SLC25A42: variants seen among roughly 807,000 people sequenced by gnomAD.
SLC25A42 encodes the protein mitochondrial coenzyme A transporter SLC25A42.
SLC25A42 carries 19 observed loss-of-function variants against 34.7 expected under a neutral mutation model. That is an observed-to-expected ratio of 0.55 (90% CI 0.38 to 0.80). The LOEUF (loss-of-function observed/expected upper bound fraction) is 0.80, where lower values mean the gene tolerates loss of function less well. Among genes scored for constraint, SLC25A42 ranks in the 30% least tolerant of loss-of-function variants. SLC25A42 has a pLI of 0.00. For missense variants in SLC25A42, 364 were observed against 441.3 expected, an observed-to-expected ratio of 0.82 and a Z score of 1.57; for synonymous variants, 205 against 191.2, an observed-to-expected ratio of 1.07 and a Z score of -0.59.
intron 1 of SLC25A42, among the ~76,000 whole-genome samples, chr19:19,080,010 G>A (rs1291362116): frequency 6.6e-6 from 1 of 152,184 alleles, no homozygotes; most frequent in Middle Eastern, 3.2e-3. Flanking sequence ...AACATTCCCA[G>A]CATACAAGGA....
At chr19:19,094,239 C>G (rs1295018553) in intron 1 of SLC25A42, among the ~76,000 whole-genome samples, 1 of 152,212 alleles carries the variant, frequency 6.6e-6, no homozygotes, top group African/African-American at 2.4e-5. Context: ...GTCCGAGCTG[C>G]TGTGCTATTT....
chr19:19,107,885 T>C lies in SLC25A42; in HGVS notation c.498-9T>C, dbSNP rs1264737091. On this transcript the variant is annotated splice_polypyrimidine_tract_variant and intron_variant, in intron 6 of 7. Transcript: ENST00000318596. Reference sequence around the variant, plus strand: ...GAGTCCCACCTGCTGGGCTGCTCTGTCCTGGCAGGTACAGCAACATCTTTC... The same window carrying C: ...GAGTCCCACCTGCTGGGCTGCTCTGCCCTGGCAGGTACAGCAACATCTTTC... The C allele has an allele frequency of 6.2e-7, 1 of 1,613,832 alleles. No homozygotes were observed.
chr19:19,084,856 G>A (rs1490238997), intron 1 of SLC25A42, among the ~76,000 whole-genome samples: 1 of 151,816 alleles, frequency 6.6e-6, no homozygotes, highest in East Asian at 1.9e-4. Flanking sequence ...TACTGGGGAG[G>A]TGAGGTAAGG....
chr19:19,076,007 A>C (rs1473871434), intron 1 of SLC25A42, among the ~76,000 whole-genome samples: 1 of 152,162 alleles, frequency 6.6e-6, no homozygotes, highest in Non-Finnish European at 1.5e-5. Flanking sequence ...GTCACCCTGG[A>C]GTCAAGGGGA....
intron 1 of SLC25A42, among the ~76,000 whole-genome samples, chr19:19,077,321 G>C (rs75335481): frequency 3.3e-5 from 5 of 152,112 alleles, no homozygotes; most frequent in Non-Finnish European, 7.3e-5. Context: ...CAACTCTTCC[G>C]TCTTGCAAAA....
intron 2 of SLC25A42, among the ~76,000 whole-genome samples, chr19:19,099,581 G>A (rs552927590): frequency 1.3e-5 from 2 of 152,158 alleles, no homozygotes; most frequent in South Asian, 2.1e-4. Flanking sequence ...ACACTGAGCT[G>A]AGCAAACTCC....
rs771547257 is a variant in SLC25A42, at chr19:19,081,624, C to T, written c.-34-14467C>T. ...GGAACTGGGGCTTCCTCCCCGAACCCATCCAAGCCTCCCTGTCCCAGGAAA... is the reference window on the plus strand; with the variant it reads ...GGAACTGGGGCTTCCTCCCCGAACCTATCCAAGCCTCCCTGTCCCAGGAAA... On this transcript the variant is annotated intron_variant, in intron 1 of 7. Coordinates refer to ENST00000318596, the MANE Select transcript of SLC25A42 (RefSeq NM_178526.5). The surrounding 1 kb of genome is among the most constrained non-coding windows in gnomAD (Gnocchi z 4.5). 6.6e-6 allele frequency among the ~76,000 whole-genome samples: 1 copy of T among 152,136 alleles called. No homozygotes were observed. The highest frequency in any genetic ancestry group is 1.5e-5 in the Non-Finnish European group (1 of 68,024).
In SLC25A42 at chr19:19,067,801, G is replaced by A. The variant is rs531444539; in HGVS notation, c.-35+3686G>A. ...TTGAGACGAGTCAGATGTTAAATCT[G>A]TCTGGGAAGCTGTTTCGAGACTCTC... On this transcript the variant is annotated intron_variant, in intron 1 of 7. Coordinates refer to ENST00000318596, the MANE Select transcript of SLC25A42 (RefSeq NM_178526.5). Among the ~76,000 whole-genome samples the A allele has an allele frequency of 7.3e-4, 111 of 151,872 alleles. 1 individual carries two copies. Among genetic ancestry groups the A allele is most frequent in the African/African-American group, 2.6e-3 (108 of 41,384 alleles).
At chr19:19,097,964 G>GAAA (rs5827429) in intron 2 of SLC25A42, among the ~76,000 whole-genome samples, 4 of 145,000 alleles carry the variant, frequency 2.8e-5, no homozygotes, top group Non-Finnish European at 6.0e-5. Context: ...CCCTGTCTCA[G>GAAA]AAAAAAAAAA....
rs553547489 is a variant in SLC25A42, at chr19:19,096,058, G to A, written c.-34-33G>A. 2.7e-4 allele frequency: 370 copies of A among 1,389,232 alleles called. No homozygotes were observed. The South Asian group carries it at 4.0e-3, about 15-fold the overall frequency. The allele number at this position is 1,389,232 out of a possible 1,614,324, so 86.1% of individuals were successfully genotyped here. A position where few individuals can be genotyped will look rare whatever the true frequency, so the allele number is the denominator to read the frequency against. The stretch of plus-strand genomic sequence containing the variant: ...AACACCCACCATCTCTCAGGATCTC[G>A]CCGTATCTTACCACCTCCCCTTACC... On this transcript the variant is annotated intron_variant, in intron 1 of 7. Coordinates refer to ENST00000318596, the MANE Select transcript of SLC25A42 (RefSeq NM_178526.5).
chr19:19,101,922 G>T (rs368169715), intron 3 of SLC25A42, 36 bp downstream of exon 3: 3 of 1,517,650 alleles, frequency 2.0e-6, no homozygotes, highest in Non-Finnish European at 1.8e-6. Context: ...TAGAGAAGCT[G>T]CCAGGCGGTC....
intron 2 of SLC25A42, 65 bp from the exon 3 acceptor site, chr19:19,101,716 G>T: frequency 6.9e-7 from 1 of 1,440,626 alleles, no homozygotes; most frequent in South Asian, 1.2e-5. Flanking sequence ...AGGCACTTCT[G>T]GGGCAAGGTC....
At chr19:19,087,593 C>T (rs1433567918) in intron 1 of SLC25A42, among the ~76,000 whole-genome samples, 1 of 152,144 alleles carries the variant, frequency 6.6e-6, no homozygotes, top group Non-Finnish European at 1.5e-5. Context: ...CAGCTGTCCC[C>T]ATGGTTCTTG....
intron 1 of SLC25A42, among the ~76,000 whole-genome samples, chr19:19,076,995 G>A (rs2059658566): frequency 6.6e-6 from 1 of 152,022 alleles, no homozygotes; most frequent in Non-Finnish European, 1.5e-5. Context: ...ACCAGCCTGG[G>A]CAACATAGTA....
intron 3 of SLC25A42, among the ~76,000 whole-genome samples, chr19:19,104,121 C>G (rs958655805): frequency 2.0e-5 from 3 of 152,090 alleles, no homozygotes; most frequent in Non-Finnish European, 4.4e-5. Flanking sequence ...CCATGTTGGC[C>G]AGGCTGGTCT....
intron 1 of SLC25A42, among the ~76,000 whole-genome samples, chr19:19,076,537 G>A (rs1467267616): frequency 3.3e-5 from 5 of 152,002 alleles, no homozygotes; most frequent in African/African-American, 9.7e-5. Context: ...AGCTGAACAC[G>A]TCCACTCCCA....
intron 5 of SLC25A42, chr19:19,105,951 T>G: frequency 1.8e-6 from 1 of 564,324 alleles, no homozygotes; most frequent in Non-Finnish European, 3.1e-6. Flanking sequence ...CCTTTGCCCG[T>G]TTGTCTCCAG....
In SLC25A42 at chr19:19,084,580, C is replaced by T. The variant is rs759538877; in HGVS notation, c.-34-11511C>T. Among the ~76,000 whole-genome samples, 4 of 152,188 alleles carry T rather than the reference C, an allele frequency of 2.6e-5. No individual in the cohort carries two copies. The East Asian group carries it at 5.8e-4, about 22-fold the overall frequency. ...TGGAATAATTCCAAGTCCTATCCAT[C>T]GATGCTCCCCTTTCCGGGAGGTGGA... On this transcript the variant is annotated intron_variant, in intron 1 of 7. Coordinates refer to ENST00000318596, the MANE Select transcript of SLC25A42 (RefSeq NM_178526.5).
rs1455368725 is a variant in SLC25A42 at position 19,109,062 on chromosome 19, A to T, written c.649+1017A>T. Reference sequence around the variant, plus strand: ...TTTGAAAATACTTCTGTATGTATTTATCTGTGGCATGAACAAAACCATGTC... The same window carrying T: ...TTTGAAAATACTTCTGTATGTATTTTTCTGTGGCATGAACAAAACCATGTC... On this transcript the variant is annotated intron_variant, in intron 7 of 7. Transcript: ENST00000318596. The surrounding 1 kb of genome is among the most constrained non-coding windows in gnomAD (Gnocchi z 4.1). Among the ~76,000 whole-genome samples the T allele has an allele frequency of 6.6e-6, 1 of 152,222 alleles. No homozygotes were observed. Among genetic ancestry groups the T allele is most frequent in the African/African-American group, 2.4e-5 (1 of 41,462 alleles).
Sources: gnomAD v4.1 joint callset for allele counts (sites outside exome capture counted in the v4.1 genomes callset) on GRCh38, gnomAD v4.1.1 for gene constraint, Gnocchi (gnomAD v3.1) non-coding constraint, MANE v1.5 for transcripts, NCBI Gene and HGNC (gene_info 2026-07-23, HGNC 2026-07-21) for gene names.